Variants in NPNT observed in about 807,000 individuals in gnomAD.
NPNT encodes the protein preosteoblast EGF-like repeat protein with MAM domain.
NPNT carries 45 observed loss-of-function variants against 68.6 expected under a neutral mutation model. The observed-to-expected ratio is 0.66, with a 90% confidence interval of 0.52 to 0.84. The LOEUF (loss-of-function observed/expected upper bound fraction) is 0.84. Among genes scored for constraint, NPNT ranks in the 40% least tolerant of loss-of-function variants. The pLI is 0.00. For missense variants in NPNT, 672 were observed against 714.8 expected (o/e 0.94, Z 0.68); for synonymous variants, 233 against 253.3 (o/e 0.92, Z 0.76).
rs771843953 is a variant in NPNT at position 105,958,562 on chromosome 4, C to T, written c.1246+5C>T. 5.4e-6 allele frequency: 8 copies of T among 1,491,374 alleles called. No homozygotes were observed. The highest frequency in any genetic ancestry group is 4.7e-6 in the Non-Finnish European group (5 of 1,072,252). 92.4% of individuals were successfully genotyped at this position (1,491,374 alleles called of 1,614,324 possible). A position where few individuals can be genotyped will look rare whatever the true frequency, so the allele number is the denominator to read the frequency against. Reference sequence around the variant, plus strand: ...ATGAAGCAAAGGATGATCCAGGTGACACTTACACTCTTAGTGCCATCATAA... The same window carrying T: ...ATGAAGCAAAGGATGATCCAGGTGATACTTACACTCTTAGTGCCATCATAA... On this transcript the variant is annotated splice_donor_5th_base_variant and intron_variant, in intron 9 of 11. Transcript: ENST00000379987.
At chr4:105,903,090 G>T (rs1379257816) in intron 2 of NPNT, among the ~76,000 whole-genome samples, 1 of 151,976 alleles carries the variant, frequency 6.6e-6, no homozygotes, top group African/African-American at 2.4e-5. Context: ...GCTTGAAGTT[G>T]CCCACGCATG....
intron 3 of NPNT, chr4:105,932,518 G>T (rs943925298): frequency 5.7e-6 from 4 of 706,302 alleles, no homozygotes; most frequent in Non-Finnish European, 4.8e-6. Flanking sequence ...TCTACCAACT[G>T]TATGTAATTG....
At chr4:105,927,230 A>T in intron 2 of NPNT, 106 bp from the exon 3 acceptor site, 3 of 657,792 alleles carry the variant, frequency 4.6e-6, no homozygotes, top group Non-Finnish European at 7.8e-6. Context: ...CTTTGTTGTA[A>T]GTTCTAGTTT....
chr4:105,920,467 G>A (rs368254741), intron 2 of NPNT, among the ~76,000 whole-genome samples: 12 of 142,640 alleles, frequency 8.4e-5, no homozygotes, highest in African/African-American at 2.9e-4. Flanking sequence ...TGTTCTTAAC[G>A]TTTTATTTGG....
Position 105,952,765 on chromosome 4 carries a change from A to G in NPNT, c.1160-5706A>G, listed in dbSNP as rs569108309. Among the ~76,000 whole-genome samples, 21 of 152,320 alleles carry G rather than the reference A, an allele frequency of 1.4e-4. 1 individual carries two copies. The highest frequency in any genetic ancestry group is 7.2e-4 in the Admixed American group (11 of 15,308). On this transcript the variant is annotated intron_variant, in intron 8 of 11. Coordinates refer to ENST00000379987, the MANE Select transcript of NPNT (RefSeq NM_001033047.3). ...GAGTGCATTTACACCTGTCCCCAAC[A>G]GCTGGTGGGCTTCTGCTCACCCTAG...
intron 2 of NPNT, among the ~76,000 whole-genome samples, chr4:105,925,053 A>T (rs1008118821): frequency 9.2e-5 from 14 of 151,980 alleles, no homozygotes; most frequent in African/African-American, 3.4e-4. Context: ...TTAAGCTGGT[A>T]TTTCTTGGTG....
In NPNT at chr4:105,942,507, C is replaced by T; in HGVS notation, c.964C>T (p.Pro322Ser). The T allele has an allele frequency of 3.1e-6, 5 of 1,613,828 alleles. No individual in the cohort carries two copies. Among genetic ancestry groups the T allele is most frequent in the Non-Finnish European group, 4.2e-6 (5 of 1,179,934 alleles). ...SKPTTRPTPK[P>S]TPIPTPPPPP... ...GCCAACAACAAGACCTACACCAAAG[C>T]CAACACCAATTCCTACTCCACCACC... Residue 322 changes from proline to serine, a missense_variant, in exon 8 of 12, where the codon CCA becomes TCA. Physicochemically the swap from Pro to Ser is moderately conservative, Grantham distance 74 (BLOSUM62 -1). Transcript: ENST00000379987.
At position 105,959,079 on chromosome 4, in the gene NPNT, G is replaced by A. The variant is rs1346637363; in HGVS notation, c.1298G>A (p.Arg433Lys). Reference sequence around the variant, plus strand: ...GACCATGGACTTTGTGGATGGATCAGGGAGAAAGACAATGACTTGCACTGG... The same window carrying A: ...GACCATGGACTTTGTGGATGGATCAAGGAGAAAGACAATGACTTGCACTGG... ...NFDHGLCGWI[R>K]EKDNDLHWEP... The change falls in exon 10 of 12, where the codon AGG becomes AAG. Residue 433 changes from arginine (R) to lysine (K), a missense_variant. By Grantham distance (26) the Arg-to-Lys change is conservative. Coordinates refer to ENST00000379987, the MANE Select transcript of NPNT (RefSeq NM_001033047.3). The A allele has an allele frequency of 1.2e-6, 2 of 1,613,530 alleles. No individual in the cohort carries two copies. The highest frequency in any genetic ancestry group is 1.7e-6 in the Non-Finnish European group (2 of 1,179,632).
At chr4:105,943,647 C>T (rs1490352959) in intron 8 of NPNT, among the ~76,000 whole-genome samples, 3 of 152,088 alleles carry the variant, frequency 2.0e-5, no homozygotes, top group African/African-American at 7.2e-5. Context: ...TTCATCTGTT[C>T]CTCATATTTA....
chr4:105,963,062 TA>T (rs1578691277), intron 10 of NPNT, among the ~76,000 whole-genome samples: 1 of 151,958 alleles, frequency 6.6e-6, no homozygotes, highest in Admixed American at 6.6e-5. Flanking sequence ...CCGTCTTTAC[TA>T]AAAATACAAA....
At chr4:105,902,447 T>C (rs182062097) in intron 2 of NPNT, among the ~76,000 whole-genome samples, 1 of 152,302 alleles carries the variant, frequency 6.6e-6, no homozygotes, top group East Asian at 1.9e-4. Flanking sequence ...ATATTGAAGA[T>C]TGCTAGCAGA....
intron 10 of NPNT, among the ~76,000 whole-genome samples, chr4:105,966,564 G>T (rs972084783): frequency 6.6e-6 from 1 of 152,094 alleles, no homozygotes; most frequent in Non-Finnish European, 1.5e-5. Context: ...AGGAAGACGG[G>T]GAGGGTTTCC....
intron 2 of NPNT, among the ~76,000 whole-genome samples, chr4:105,906,192 G>T (rs1002965444): frequency 2.0e-5 from 3 of 152,198 alleles, no homozygotes; most frequent in Admixed American, 2.0e-4. Flanking sequence ...AAAGGTAAAA[G>T]ATGTTATTGC....
In NPNT at chr4:105,940,629, T is replaced by C; in HGVS notation, c.756T>C (p.Thr252=). 1.2e-6 allele frequency: 2 copies of C among 1,613,218 alleles called. No homozygotes were observed. Among genetic ancestry groups the C allele is most frequent in the Non-Finnish European group, 1.7e-6 (2 of 1,179,372 alleles). Residue 252 remains threonine, a synonymous_variant, in exon 7 of 12, where the codon ACT becomes ACC. Coordinates refer to ENST00000379987, the MANE Select transcript of NPNT (RefSeq NM_001033047.3). ...CKEGYQGDGL[T]CVYIPKVMIE... is the part of the protein sequence containing the mutation. ...AAGGATACCAGGGTGATGGACTGAC[T>C]TGTGTGTGTGAGTAGCACTTGTCTC...
At chr4:105,935,773 T>C (rs1053130391) in intron 3 of NPNT, among the ~76,000 whole-genome samples, 12 of 152,168 alleles carry the variant, frequency 7.9e-5, no homozygotes, top group Non-Finnish European at 1.8e-4. Flanking sequence ...CAGTAAGATA[T>C]GAAAATTTTT....
rs367564435 is a variant in NPNT, at chr4:105,958,572, C to T, written c.1246+15C>T. On this transcript the variant is annotated intron_variant, in intron 9 of 11. Transcript: ENST00000379987. ...GGATGATCCAGGTGACACTTACACT[C>T]TTAGTGCCATCATAATGACATTTTA... is the stretch of plus-strand genomic sequence containing the variant. 64 of 1,361,098 alleles carry T rather than the reference C, an allele frequency of 4.7e-5. No individual in the cohort carries two copies. The African/African-American group carries it at 8.2e-4, about 17-fold the overall frequency. The allele number at this position is 1,361,098 out of a possible 1,614,324, so 84.3% of individuals were successfully genotyped here.
chr4:105,954,985 G>A (rs1026279670), intron 8 of NPNT, among the ~76,000 whole-genome samples: 1 of 152,214 alleles, frequency 6.6e-6, no homozygotes, highest in Non-Finnish European at 1.5e-5. Context: ...GCTTTGTATA[G>A]CTGATGCTCA....
At chr4:105,902,341 G>A (rs1305342059) in intron 2 of NPNT, among the ~76,000 whole-genome samples, 1 of 152,150 alleles carries the variant, frequency 6.6e-6, no homozygotes, top group African/African-American at 2.4e-5. Flanking sequence ...TTGAACATGA[G>A]TTAGTATTTT....
At chr4:105,904,343 G>T (rs1371310404) in intron 2 of NPNT, among the ~76,000 whole-genome samples, 1 of 152,190 alleles carries the variant, frequency 6.6e-6, no homozygotes, top group East Asian at 1.9e-4. Context: ...ACTCAGTAGA[G>T]AAGATAGTTT....
Sources: gnomAD v4.1 joint callset for allele counts (sites outside exome capture counted in the v4.1 genomes callset) on GRCh38, gnomAD v4.1.1 for gene constraint, MANE v1.5 for transcripts, NCBI Gene and HGNC (gene_info 2026-07-23, HGNC 2026-07-21) for gene names.